The following TFCP2L1 variants were observed in gnomAD, a reference collection of about 807,000 sequenced individuals.
TFCP2L1 encodes transcription factor CP2-like protein 1.
A neutral mutation model predicts 72.2 loss-of-function variants in TFCP2L1; 12 were observed. The ratio of observed to expected loss-of-function variants is 0.17; its 90% confidence interval spans 0.11 to 0.27. The LOEUF is 0.27. TFCP2L1 is among the 10% of genes least tolerant of loss of function. TFCP2L1 has a pLI of 1.00. For synonymous variants in TFCP2L1, 260 were observed against 251.0 expected, an observed-to-expected ratio of 1.04 and a Z score of -0.34; for missense variants, 488 against 624.6, an observed-to-expected ratio of 0.78 and a Z score of 2.33.
chr2:121,225,361 G>C (rs920170692), intron 14 of TFCP2L1, among the ~76,000 whole-genome samples: 1 of 152,174 alleles, frequency 6.6e-6, no homozygotes, highest in Non-Finnish European at 1.5e-5. Context: ...CCTGGCCCAG[G>C]ATTTCCCTTT....
chr2:121,265,282 T>C (rs545626743), intron 2 of TFCP2L1, among the ~76,000 whole-genome samples: 46 of 152,266 alleles, frequency 3.0e-4, no homozygotes, highest in African/African-American at 1.1e-3. Flanking sequence ...TGGGTAGAGA[T>C]AAAGTAGATT....
rs112005170 is a variant in TFCP2L1, at chr2:121,278,696, GA to G, written c.214+2423del. ...GCAAGACTGTCTCAAAAAGAAGAAA[GA>G]AAAAAAAAAAAACACCTAGGGGGTG... On this transcript the variant is annotated intron_variant, in intron 2 of 14. Coordinates refer to ENST00000263707, the MANE Select transcript of TFCP2L1 (RefSeq NM_014553.3). 4.0e-3 allele frequency among the ~76,000 whole-genome samples: 443 copies of G among 109,608 alleles called. 6 individuals carry two copies. In the South Asian group the frequency reaches 0.052, roughly 13 times the overall value. 71.9% of individuals were successfully genotyped at this position (109,608 alleles called of 152,430 possible).
intron 1 of TFCP2L1, 84 bp downstream of exon 1, chr2:121,284,964 G>A (rs942987507): frequency 2.5e-4 from 315 of 1,236,612 alleles, no homozygotes; most frequent in Admixed American, 3.3e-4. Context: ...CAGCAGGGGC[G>A]CCCCCTCTCC....
chr2:121,254,119 G>A (rs72963308), intron 2 of TFCP2L1, among the ~76,000 whole-genome samples: 3,455 of 152,298 alleles, frequency 0.023, 151 homozygotes, highest in African/African-American at 0.079. Context: ...GGCGCGGGTC[G>A]TGTCTGTTCT....
rs374482470 is a variant in TFCP2L1, at chr2:121,239,955, C to T, written c.769-306G>A. On this transcript the variant is annotated intron_variant, in intron 7 of 14. Transcript: ENST00000263707. ...CACAGTCATGTGATTCTTGGGTCCA[C>T]GAGAGAGAAAAAACGAAACCAGCCA... is the stretch of plus-strand genomic sequence containing the variant. 9.6e-5 allele frequency: 76 copies of T among 795,224 alleles called. 1 individual carries two copies. In the East Asian group the frequency reaches 5.8e-3, roughly 61 times the overall value. The allele number at this position is 795,224 out of a possible 1,614,324, so 49.3% of individuals were successfully genotyped here. A position where few individuals can be genotyped will look rare whatever the true frequency, so the allele number is the denominator to read the frequency against.
At chr2:121,266,833 T>C (rs779698170) in intron 2 of TFCP2L1, among the ~76,000 whole-genome samples, 42 of 152,134 alleles carry the variant, frequency 2.8e-4, no homozygotes, top group Non-Finnish European at 5.3e-4. Flanking sequence ...CTCTTTTTCC[T>C]TCAAAGTATT....
chr2:121,233,211 G>C (rs569236995), intron 12 of TFCP2L1, among the ~76,000 whole-genome samples: 97 of 151,722 alleles, frequency 6.4e-4, no homozygotes, highest in South Asian at 2.1e-3. Flanking sequence ...TTTTTTTCCT[G>C]AGACAGAGTC....
intron 1 of TFCP2L1, 110 bp from the exon 2 acceptor site, chr2:121,281,381 G>A (rs1279744295): frequency 4.5e-5 from 57 of 1,259,308 alleles, no homozygotes; most frequent in East Asian, 1.7e-4. Flanking sequence ...AGGGTGACAC[G>A]GCACGCGCAT....
chr2:121,258,486 G>T (rs915481279), intron 2 of TFCP2L1, among the ~76,000 whole-genome samples: 2 of 152,232 alleles, frequency 1.3e-5, no homozygotes, highest in African/African-American at 4.8e-5. Flanking sequence ...CACCACAGAG[G>T]AAGAGGCGCA....
At chr2:121,264,513 G>A (rs1249417242) in intron 2 of TFCP2L1, among the ~76,000 whole-genome samples, 3 of 152,194 alleles carry the variant, frequency 2.0e-5, no homozygotes, top group African/African-American at 7.2e-5. Context: ...CCCCTCCTGG[G>A]AGTGCAGAAT....
chr2:121,251,327 T>C (rs1686609349), intron 2 of TFCP2L1, among the ~76,000 whole-genome samples: 1 of 152,174 alleles, frequency 6.6e-6, no homozygotes. Flanking sequence ...TGGCATCTGA[T>C]GGAACCATGG....
chr2:121,243,523 T>A (rs1573370486), intron 6 of TFCP2L1, among the ~76,000 whole-genome samples: 1 of 152,226 alleles, frequency 6.6e-6, no homozygotes, highest in East Asian at 1.9e-4. Context: ...CATCTTCATC[T>A]TACTGTGAAG....
intron 2 of TFCP2L1, among the ~76,000 whole-genome samples, chr2:121,250,608 C>CT (rs56784430): frequency 9.6e-4 from 132 of 137,160 alleles, no homozygotes; most frequent in East Asian, 3.7e-3. Context: ...ATTGGCATAT[C>CT]TTTTTTTTTT....
At position 121,225,651 on chromosome 2, in the gene TFCP2L1, G is replaced by T. The variant is rs116050964; in HGVS notation, c.1342-38C>A. ...AGAGAGAACATGTTCCTTCAACCAC[G>T]AGTTCATCATTTGGAAAGCCTCGGT... On this transcript the variant is annotated intron_variant, in intron 13 of 14. Coordinates refer to ENST00000263707, the MANE Select transcript of TFCP2L1 (RefSeq NM_014553.3). 1,547 of 1,611,420 alleles carry T rather than the reference G, an allele frequency of 9.6e-4. 16 individuals are homozygous for T. The African/African-American group carries it at 0.017, about 18-fold the overall frequency.
chr2:121,243,531 AAGTAAATACTTCAC>A (rs1221149329), intron 6 of TFCP2L1, among the ~76,000 whole-genome samples: 1 of 152,194 alleles, frequency 6.6e-6, no homozygotes, highest in Non-Finnish European at 1.5e-5. Flanking sequence ...TCTTACTGTG[AAGTAAATACTTCAC>A]AGTATTTACA....
In TFCP2L1 at chr2:121,242,427, T is replaced by C. The variant is rs1324269036; in HGVS notation, c.700A>G (p.Met234Val). The C allele has an allele frequency of 4.3e-6, 7 of 1,614,058 alleles. No individual in the cohort carries two copies. Among genetic ancestry groups the C allele is most frequent in the South Asian group, 2.2e-5 (2 of 91,084 alleles). Residue 234 changes from methionine to valine, a missense_variant, in exon 7 of 15, where the codon ATG (methionine) becomes GTG (valine). By Grantham distance (21) the Met-to-Val change is conservative (BLOSUM62 1). Transcript: ENST00000263707. The stretch of plus-strand genomic sequence containing the variant: ...TTCTCTTGGGCAGTTCTTTTCTCCA[T>C]CTTCTCCCGGTCAGTCTTCTGTTTC... ...DRKQKTDREK[M>V]EKRTAQEKEK...
chr2:121,257,850 C>T (rs987126615), intron 2 of TFCP2L1, among the ~76,000 whole-genome samples: 1 of 149,058 alleles, frequency 6.7e-6, no homozygotes, highest in South Asian at 2.1e-4. Flanking sequence ...GCTTTCGGCG[C>T]TTTGCAACTT....
At chr2:121,251,209 T>C (rs948048354) in intron 2 of TFCP2L1, among the ~76,000 whole-genome samples, 3 of 151,832 alleles carry the variant, frequency 2.0e-5, no homozygotes, top group African/African-American at 4.8e-5. Context: ...TGGGCCAAGA[T>C]TGTGCCACTG....
intron 1 of TFCP2L1, among the ~76,000 whole-genome samples, 185 bp from the exon 2 acceptor site, chr2:121,281,456 C>T (rs1191904836): frequency 6.6e-6 from 1 of 151,988 alleles, no homozygotes; most frequent in African/African-American, 2.4e-5. Context: ...CAGAGGAAAC[C>T]GCTCCTTCGT....
Sources: gnomAD v4.1 joint callset for allele counts (sites outside exome capture counted in the v4.1 genomes callset) on GRCh38, gnomAD v4.1.1 for gene constraint, MANE v1.5 for transcripts, NCBI Gene and HGNC (gene_info 2026-07-23, HGNC 2026-07-21) for gene names.